Variants in APBB1IP observed in about 807,000 individuals in gnomAD.
APBB1IP encodes the protein amyloid beta A4 precursor protein-binding family B member 1-interacting protein.
APBB1IP carries 27 observed loss-of-function variants against 64.9 expected under a neutral mutation model. The observed-to-expected ratio is 0.42, with a 90% CI of 0.31 to 0.57. The LOEUF (loss-of-function observed/expected upper bound fraction) is 0.57. APBB1IP is among the 20% of genes least tolerant of loss of function. APBB1IP has a pLI of 0.20. For synonymous variants in APBB1IP, 392 were observed against 331.0 expected, an observed-to-expected ratio of 1.18 and a Z score of -2.00; for missense variants, 812 against 845.5, an observed-to-expected ratio of 0.96 and a Z score of 0.49.
Position 26,560,856 on chromosome 10 carries a change from A to C in APBB1IP, c.1369+12A>C, listed in dbSNP as rs1456867559. 1 of 1,568,834 alleles carries C rather than the reference A, an allele frequency of 6.4e-7. No homozygotes were observed. Among genetic ancestry groups the C allele is most frequent in the East Asian group, 2.2e-5 (1 of 44,518 alleles). On this transcript the variant is annotated intron_variant, in intron 13 of 14. Transcript: ENST00000376236. The stretch of plus-strand genomic sequence containing the variant: ...TCAGCCATCTACAGGTACTAAGTGG[A>C]GGAGAAATTCCAACACATATTCAAA...
At position 26,506,260 on chromosome 10, in the gene APBB1IP, G is replaced by GC. The variant is rs1180365081; in HGVS notation, c.531+2986_531+2987insC. 9.0e-4 allele frequency among the ~76,000 whole-genome samples: 122 copies of GC among 135,704 alleles called. 1 individual carries two copies. The highest frequency in any genetic ancestry group is 2.8e-3 in the Admixed American group (39 of 13,862). The allele number at this position is 135,704 out of a possible 152,430, so 89.0% of individuals were successfully genotyped here. On this transcript the variant is annotated intron_variant, in intron 6 of 14. Transcript: ENST00000376236. ...ACTACCGTGTGTGTGTGGGGGGGGG[G>GC]GGTGGGGGGCAAGGTCTTGCTCTGT...
chr10:26,447,374 CAAAAAAA>C (rs55948326), intron 2 of APBB1IP, among the ~76,000 whole-genome samples: 1 of 55,028 alleles, frequency 1.8e-5, no homozygotes, highest in African/African-American at 7.4e-5. Context: ...GACTCCGTCT[CAAAAAAA>C]AAAAAAAAAA....
chr10:26,499,405 A>G (rs867254016), intron 4 of APBB1IP, among the ~76,000 whole-genome samples: 8 of 152,204 alleles, frequency 5.3e-5, no homozygotes, highest in Non-Finnish European at 7.3e-5. Context: ...ACTTTAGTCC[A>G]AGTACTGTAA....
Position 26,500,814 on chromosome 10 carries a change from A to C in APBB1IP, c.161-5A>C, listed in dbSNP as rs1408696372. On this transcript the variant is annotated splice_region_variant and splice_polypyrimidine_tract_variant and intron_variant, in intron 4 of 14. Transcript: ENST00000376236. Reference sequence around the variant, plus strand: ...TTATACCATTAATGTGATTTTCCCTACTAGAGTCCTTAAATGCACTGGAAG... The same window carrying C: ...TTATACCATTAATGTGATTTTCCCTCCTAGAGTCCTTAAATGCACTGGAAG... 6.2e-7 allele frequency: 1 copy of C among 1,610,236 alleles called. No homozygotes were observed. Among genetic ancestry groups the C allele is most frequent in the South Asian group, 1.1e-5 (1 of 90,968 alleles).
chr10:26,521,748 G>GTAT (rs912042167), intron 8 of APBB1IP, among the ~76,000 whole-genome samples: 1 of 151,950 alleles, frequency 6.6e-6, no homozygotes, highest in African/African-American at 2.4e-5. Context: ...TATTTATTAA[G>GTAT]TATTATTATT....
intron 12 of APBB1IP, 114 bp from the exon 13 acceptor site, chr10:26,560,616 G>T: frequency 1.5e-6 from 1 of 670,944 alleles, no homozygotes; most frequent in Non-Finnish European, 2.4e-6. Flanking sequence ...TCAGACAAGT[G>T]GTGAACAGAG....
chr10:26,472,376 C>A (rs1288357838), intron 2 of APBB1IP, among the ~76,000 whole-genome samples: 2 of 152,160 alleles, frequency 1.3e-5, no homozygotes, highest in Non-Finnish European at 2.9e-5. Context: ...ATTTTACAAT[C>A]GCTATGGTCT....
intron 9 of APBB1IP, among the ~76,000 whole-genome samples, chr10:26,534,294 C>CAAAA (rs71403804): frequency 0.019 from 1,100 of 58,358 alleles, 82 homozygotes; most frequent in Admixed American, 0.064. Context: ...GATCCAGTCT[C>CAAAA]AAAAAAAAAA....
intron 6 of APBB1IP, among the ~76,000 whole-genome samples, chr10:26,510,732 T>TCA (rs1491206953): frequency 3.6e-3 from 398 of 109,346 alleles, no homozygotes; most frequent in African/African-American, 0.012. Flanking sequence ...CAAGACCCTG[T>TCA]CTCACACACA....
At chr10:26,523,979 A>G (rs1836438163) in intron 8 of APBB1IP, among the ~76,000 whole-genome samples, 1 of 152,070 alleles carries the variant, frequency 6.6e-6, no homozygotes. Flanking sequence ...TCAACAGTCA[A>G]TAGGCCCTAG....
At chr10:26,519,980 C>CT (rs1836383536) in intron 8 of APBB1IP, among the ~76,000 whole-genome samples, 1 of 152,192 alleles carries the variant, frequency 6.6e-6, no homozygotes, top group South Asian at 2.1e-4. Flanking sequence ...AAGCCCTGTG[C>CT]TAATACCCTT....
chr10:26,449,882 C>T (rs1266038992), intron 2 of APBB1IP, among the ~76,000 whole-genome samples: 1 of 152,026 alleles, frequency 6.6e-6, no homozygotes, highest in Non-Finnish European at 1.5e-5. Context: ...TGGCATTCTC[C>T]TGTGGTCTCA....
intron 8 of APBB1IP, among the ~76,000 whole-genome samples, chr10:26,517,488 A>G (rs910332030): frequency 6.6e-6 from 1 of 152,210 alleles, no homozygotes; most frequent in Non-Finnish European, 1.5e-5. Context: ...GCCCAGCCAG[A>G]TCTTGCAGTG....
At chr10:26,562,079 CT>C (rs1836979755) in intron 13 of APBB1IP, 1 of 401,622 alleles carries the variant, frequency 2.5e-6, no homozygotes, top group Non-Finnish European at 4.7e-6. Context: ...CCTTCCTGAT[CT>C]TTTTGCTGAA....
intron 2 of APBB1IP, among the ~76,000 whole-genome samples, chr10:26,472,633 T>C (rs1835733072): frequency 6.6e-6 from 1 of 152,140 alleles, no homozygotes; most frequent in Admixed American, 6.6e-5. Context: ...GATGATGCAT[T>C]AAATGTTGAA....
At chr10:26,505,993 C>A (rs1372624713) in intron 6 of APBB1IP, among the ~76,000 whole-genome samples, 1 of 152,126 alleles carries the variant, frequency 6.6e-6, no homozygotes, top group Non-Finnish European at 1.5e-5. Flanking sequence ...CCTTCATTCA[C>A]CCCATTCTAG....
At chr10:26,457,909 T>G (rs1476665455) in intron 2 of APBB1IP, among the ~76,000 whole-genome samples, 1 of 152,254 alleles carries the variant, frequency 6.6e-6, no homozygotes, top group Non-Finnish European at 1.5e-5. Context: ...CTAAATTATT[T>G]GCTCTGAAAG....
At chr10:26,462,226 T>G (rs1343361038) in intron 2 of APBB1IP, among the ~76,000 whole-genome samples, 5 of 152,232 alleles carry the variant, frequency 3.3e-5, no homozygotes, top group African/African-American at 1.2e-4. Flanking sequence ...ATTGACTGTT[T>G]ATAAATTTAA....
At position 26,567,082 on chromosome 10, in the gene APBB1IP, C is replaced by A; in HGVS notation, c.1595C>A (p.Pro532His). ...AGGTCCTCCGACACCAGCGGCAGTC[C>A]CGCCACGCCCCTCAAGGCCAAGGGC... Reference protein sequence around the residue: ...VRRSSDTSGSPATPLKAKGTG... With the variant: ...VRRSSDTSGSHATPLKAKGTG... The change falls in exon 15 of 15, where the codon CCC becomes CAC. Residue 532 changes from proline (P) to histidine (H), a missense_variant. Physicochemically the swap from Pro to His is moderately conservative, Grantham distance 77. Transcript: ENST00000376236. The A allele has an allele frequency of 6.8e-7, 1 of 1,476,264 alleles. No homozygotes were observed. Among genetic ancestry groups the A allele is most frequent in the Non-Finnish European group, 8.9e-7 (1 of 1,127,544 alleles). The allele number at this position is 1,476,264 out of a possible 1,614,324, so 91.4% of individuals were successfully genotyped here.
Sources: gnomAD v4.1 joint callset for allele counts (sites outside exome capture counted in the v4.1 genomes callset) on GRCh38, gnomAD v4.1.1 for gene constraint, MANE v1.5 for transcripts, NCBI Gene and HGNC (gene_info 2026-07-23, HGNC 2026-07-21) for gene names.